The following CIMAP2 variants were observed in gnomAD, a reference collection of about 807,000 sequenced individuals.
CIMAP2 encodes the protein ciliary microtubule associated protein 2.
the CIMAP2 span, among the ~76,000 whole-genome samples, chr1:54,832,053 C>A: frequency 6.6e-6 from 1 of 152,192 alleles, no homozygotes; most frequent in African/African-American, 2.4e-5. Context: ...CCATGTTGCC[C>A]AGGCTGGTCT....
At chr1:54,811,765 G>GCCGGGGGGGGGGGGGCCCCCCCCCCCC in the CIMAP2 span, 24 of 1,301,266 alleles carry the variant, frequency 1.8e-5, no homozygotes, top group East Asian at 5.0e-5. Flanking sequence ...GGTTCTGACA[G>GCCGGGGGGGGGGGGGCCCCCCCCCCCC]CCTCCATGCC....
At chr1:54,808,862 G>C in the CIMAP2 span, among the ~76,000 whole-genome samples, 6 of 145,516 alleles carry the variant, frequency 4.1e-5, no homozygotes, top group East Asian at 1.2e-3. Flanking sequence ...GGACCTCTCT[G>C]TGCTGGATAC....
the CIMAP2 span, among the ~76,000 whole-genome samples, chr1:54,840,309 T>C: frequency 6.6e-6 from 1 of 152,232 alleles, no homozygotes; most frequent in African/African-American, 2.4e-5. Flanking sequence ...GTTGTGTGTA[T>C]CACAGTTTGT....
At chr1:54,814,580 G>A in the CIMAP2 span, among the ~76,000 whole-genome samples, 1 of 152,234 alleles carries the variant, frequency 6.6e-6, no homozygotes, top group East Asian at 1.9e-4. Flanking sequence ...GTGAGACGGG[G>A]CTGGGATTGG....
chr1:54,837,418 C>G, the CIMAP2 span, among the ~76,000 whole-genome samples: 1 of 152,134 alleles, frequency 6.6e-6, no homozygotes, highest in South Asian at 2.1e-4. Context: ...AGCTACTAAG[C>G]ACAACTCTCT....
the CIMAP2 span, chr1:54,813,704 C>A: frequency 4.0e-6 from 5 of 1,258,982 alleles, no homozygotes; most frequent in Non-Finnish European, 5.4e-6. Flanking sequence ...GTCTGCACAG[C>A]AGGATAGTAA....
chr1:54,811,765 G>GCGGGGGGGGGGCCCCCCCCCCC, the CIMAP2 span: 2 of 1,301,324 alleles, frequency 1.5e-6, no homozygotes, highest in East Asian at 2.5e-5. Context: ...GGTTCTGACA[G>GCGGGGGGGGGGCCCCCCCCCCC]CCTCCATGCC....
At chr1:54,816,650 C>G in the CIMAP2 span, among the ~76,000 whole-genome samples, 1 of 152,134 alleles carries the variant, frequency 6.6e-6, no homozygotes, top group Non-Finnish European at 1.5e-5. Flanking sequence ...CCTTGATGTT[C>G]CTTGGCTTGT....
the CIMAP2 span, chr1:54,808,024 A>G: frequency 3.9e-6 from 6 of 1,537,446 alleles, no homozygotes; most frequent in African/African-American, 8.4e-5. Flanking sequence ...AGGTGTTCTC[A>G]TGTCTGGAGT....
the CIMAP2 span, among the ~76,000 whole-genome samples, chr1:54,833,831 A>G: frequency 2.0e-5 from 3 of 149,850 alleles, no homozygotes; most frequent in Non-Finnish European, 4.5e-5. Context: ...TGGCCACCCT[A>G]TGATTTGTTC....
the CIMAP2 span, among the ~76,000 whole-genome samples, chr1:54,838,581 C>T: frequency 2.6e-5 from 4 of 152,144 alleles, no homozygotes; most frequent in Middle Eastern, 0.01. Context: ...GTAACTTTCC[C>T]AGGGCCACAG....
chr1:54,816,830 TGGGGTTGCTC>T, the CIMAP2 span, among the ~76,000 whole-genome samples: 9 of 152,204 alleles, frequency 5.9e-5, no homozygotes, highest in Non-Finnish European at 1.2e-4. Context: ...TTTGAGATAC[TGGGGTTGCTC>T]GGGGTTGGGA....
chr1:54,832,970 T>C, the CIMAP2 span, among the ~76,000 whole-genome samples: 1 of 152,010 alleles, frequency 6.6e-6, no homozygotes, highest in Non-Finnish European at 1.5e-5. Flanking sequence ...GAGGCTGCGG[T>C]GAGCCATGGT....
the CIMAP2 span, among the ~76,000 whole-genome samples, chr1:54,838,684 G>T: frequency 6.6e-6 from 1 of 152,066 alleles, no homozygotes; most frequent in Admixed American, 6.5e-5. Flanking sequence ...TATTGTTCAT[G>T]AGTCTATGGG....
the CIMAP2 span, among the ~76,000 whole-genome samples, chr1:54,840,477 T>G: frequency 2.0e-5 from 3 of 152,254 alleles, no homozygotes; most frequent in Admixed American, 6.5e-5. Context: ...GACGTATGTT[T>G]TTATTTCTCT....
At chr1:54,814,084 A>G in the CIMAP2 span, 1 of 1,324,048 alleles carries the variant, frequency 7.6e-7, no homozygotes, top group South Asian at 1.7e-5. Context: ...CAGTCTTGGG[A>G]TCAGACTGAC....
the CIMAP2 span, among the ~76,000 whole-genome samples, chr1:54,824,145 C>T: frequency 6.6e-6 from 1 of 152,152 alleles, no homozygotes; most frequent in East Asian, 1.9e-4. Flanking sequence ...CCTCAGCCTC[C>T]CAAGTAGCTG....
chr1:54,823,559 T>C, the CIMAP2 span, among the ~76,000 whole-genome samples: 1 of 152,248 alleles, frequency 6.6e-6, no homozygotes, highest in Non-Finnish European at 1.5e-5. Flanking sequence ...TTAAAACACT[T>C]ACATTCAAAG....
At chr1:54,811,765 G>GCCGGGCGGCGGGCCCCCCCCC in the CIMAP2 span, 1 of 1,301,332 alleles carries the variant, frequency 7.7e-7, no homozygotes, top group Non-Finnish European at 1.1e-6. Context: ...GGTTCTGACA[G>GCCGGGCGGCGGGCCCCCCCCC]CCTCCATGCC....
Sources: gnomAD v4.1 joint callset for allele counts (sites outside exome capture counted in the v4.1 genomes callset) on GRCh38, gnomAD v4.1.1 for gene constraint, MANE v1.5 for transcripts, NCBI Gene and HGNC (gene_info 2026-07-23, HGNC 2026-07-21) for gene names.